NEGR1: variants seen among roughly 807,000 people sequenced by gnomAD.
NEGR1 encodes the protein IgLON family member 4.
A neutral mutation model predicts 40.9 loss-of-function variants in NEGR1; 10 were observed. The observed-to-expected ratio is 0.24, with a 90% CI of 0.15 to 0.42. The LOEUF (loss-of-function observed/expected upper bound fraction) is 0.42. NEGR1 is among the 10% of genes least tolerant of loss of function. NEGR1 has a pLI of 1.00. For synonymous variants in NEGR1, 185 were observed against 166.8 expected (o/e 1.11, Z -0.84); for missense variants, 352 against 438.9 (o/e 0.80, Z 1.77).
chr1:72,027,589 G>A (rs892082531), intron 1 of NEGR1, among the ~76,000 whole-genome samples: 5 of 151,978 alleles, frequency 3.3e-5, no homozygotes, highest in South Asian at 2.1e-4. Context: ...CTGCCAGAAC[G>A]ACATAATTTG....
At chr1:71,843,246 T>A (rs1659303772) in intron 2 of NEGR1, among the ~76,000 whole-genome samples, 1 of 152,104 alleles carries the variant, frequency 6.6e-6, no homozygotes, top group Non-Finnish European at 1.5e-5. Flanking sequence ...AGGCTTGTCC[T>A]ATTGCACAGA....
chr1:71,597,412 T>TCATA (rs1553152605), intron 5 of NEGR1, among the ~76,000 whole-genome samples: 2 of 120,538 alleles, frequency 1.7e-5, no homozygotes, highest in Non-Finnish European at 3.3e-5. Flanking sequence ...GGAGTTTTAT[T>TCATA]TATATATATA....
intron 6 of NEGR1, among the ~76,000 whole-genome samples, chr1:71,450,980 T>C (rs554862637): frequency 6.6e-6 from 1 of 152,278 alleles, no homozygotes; most frequent in East Asian, 1.9e-4. Context: ...GTCTTCCATG[T>C]TTTTAAAATA....
chr1:71,533,561 A>T (rs1647423179), intron 6 of NEGR1, among the ~76,000 whole-genome samples: 1 of 151,642 alleles, frequency 6.6e-6, no homozygotes. Context: ...ATTACCTGGA[A>T]TATATTTGTG....
chr1:72,191,627 C>T (rs977217441), intron 1 of NEGR1, among the ~76,000 whole-genome samples: 1 of 151,792 alleles, frequency 6.6e-6, no homozygotes, highest in Non-Finnish European at 1.5e-5. Flanking sequence ...ATTCTAGAAT[C>T]CCTTTTTCTC....
intron 6 of NEGR1, among the ~76,000 whole-genome samples, chr1:71,435,121 A>C (rs941739977): frequency 1.6e-4 from 24 of 152,046 alleles, no homozygotes; most frequent in Admixed American, 3.3e-4. Context: ...AAAAAAAAAA[A>C]AAAAAGAGGG....
intron 3 of NEGR1, among the ~76,000 whole-genome samples, chr1:71,721,113 T>C (rs970488777): frequency 6.6e-5 from 10 of 152,186 alleles, no homozygotes; most frequent in Non-Finnish European, 1.0e-4. Context: ...TTTAAGAAAG[T>C]AGATTTATTT....
At chr1:71,622,029 C>T (rs1394252257) in intron 4 of NEGR1, among the ~76,000 whole-genome samples, 5 of 151,852 alleles carry the variant, frequency 3.3e-5, no homozygotes, top group Admixed American at 6.6e-5. Context: ...CTTTTGACAA[C>T]GGTTAGCACT....
intron 1 of NEGR1, among the ~76,000 whole-genome samples, chr1:72,203,325 C>T (rs1003361166): frequency 2.0e-5 from 3 of 152,030 alleles, no homozygotes; most frequent in Admixed American, 2.0e-4. Context: ...TTGTCTCCAA[C>T]TCTTATGGGT....
chr1:72,261,757 C>G (rs148030747), intron 1 of NEGR1, among the ~76,000 whole-genome samples: 1 of 152,008 alleles, frequency 6.6e-6, no homozygotes, highest in East Asian at 1.9e-4. Context: ...TGAAATAATT[C>G]AGAAACAGAA....
intron 1 of NEGR1, among the ~76,000 whole-genome samples, chr1:72,103,332 C>T (rs1569968559): frequency 2.0e-5 from 3 of 152,000 alleles, no homozygotes; most frequent in Admixed American, 2.0e-4. Flanking sequence ...GGGACCAACC[C>T]TCTTTTTAGA....
intron 2 of NEGR1, among the ~76,000 whole-genome samples, chr1:71,898,299 A>G (rs1370969819): frequency 2.0e-5 from 3 of 152,132 alleles, no homozygotes; most frequent in Non-Finnish European, 4.4e-5. Flanking sequence ...CGCTCATCCC[A>G]TAAAATGCTT....
chr1:71,597,412 T>TTATATATATATATATA (rs369364525), intron 5 of NEGR1, among the ~76,000 whole-genome samples: 35 of 120,546 alleles, frequency 2.9e-4, no homozygotes, highest in African/African-American at 1.2e-3. Context: ...GGAGTTTTAT[T>TTATATATATATATATA]TATATATATA....
At chr1:72,194,987 T>G (rs922834952) in intron 1 of NEGR1, among the ~76,000 whole-genome samples, 2 of 152,046 alleles carry the variant, frequency 1.3e-5, no homozygotes, top group Non-Finnish European at 2.9e-5. Flanking sequence ...TGTTGTATCT[T>G]GAACATGAAA....
intron 1 of NEGR1, among the ~76,000 whole-genome samples, chr1:72,056,584 T>A (rs1359415606): frequency 2.0e-5 from 3 of 151,434 alleles, no homozygotes; most frequent in Non-Finnish European, 3.0e-5. Flanking sequence ...ATCAAAGGGA[T>A]ATGAATATCA....
At chr1:72,111,283 G>A (rs948643417) in intron 1 of NEGR1, among the ~76,000 whole-genome samples, 3 of 151,582 alleles carry the variant, frequency 2.0e-5, no homozygotes, top group Non-Finnish European at 4.4e-5. Flanking sequence ...ATGCTGTGAG[G>A]ATTAAGTCAG....
chr1:72,085,852 C>A (rs1460761240), intron 1 of NEGR1, among the ~76,000 whole-genome samples: 1 of 151,278 alleles, frequency 6.6e-6, no homozygotes, highest in South Asian at 2.1e-4. Context: ...CACCTGTAGA[C>A]CCAGCTACTC....
intron 6 of NEGR1, among the ~76,000 whole-genome samples, chr1:71,436,319 G>A (rs369618526): frequency 3.1e-4 from 47 of 152,156 alleles, no homozygotes; most frequent in African/African-American, 1.1e-3. Context: ...AGAAGAATTA[G>A]CAGAAGATGA....
At chr1:71,965,162 G>A (rs912979303) in intron 1 of NEGR1, among the ~76,000 whole-genome samples, 7 of 152,032 alleles carry the variant, frequency 4.6e-5, no homozygotes, top group Admixed American at 2.0e-4. Context: ...CCACTTTTGC[G>A]CTTTTACAAT....
Sources: allele counts gnomAD v4.1 joint callset (sites outside exome capture counted in the v4.1 genomes callset), GRCh38; gene constraint gnomAD v4.1.1; transcripts MANE v1.5; gene names NCBI Gene and HGNC (gene_info 2026-07-23, HGNC 2026-07-21).